MICAL3: variants seen among roughly 807,000 people sequenced by gnomAD.
MICAL3 encodes microtubule associated monooxygenase, calponin and LIM domain containing 3.
In MICAL3, 62 loss-of-function variants were observed where a neutral mutation model predicts 207.4. That is an observed-to-expected ratio of 0.30 (90% CI 0.24 to 0.37). The LOEUF is 0.37. Ranked by LOEUF, MICAL3 falls within the 10% of genes least tolerant of loss-of-function variation. The pLI, the probability that MICAL3 is intolerant of heterozygous loss-of-function variation, is 1.00. For synonymous variants in MICAL3, 1,077 were observed against 1,069.3 expected (o/e 1.01, Z -0.14); for missense variants, 2,368 against 2,635.6 (o/e 0.90, Z 2.22).
intron 29 of MICAL3, among the ~76,000 whole-genome samples, chr22:17,804,017 G>A (rs1030699719): frequency 5.3e-5 from 8 of 152,192 alleles, no homozygotes; most frequent in East Asian, 3.9e-4. Context: ...GAAGGCATGC[G>A]TGCCTAAGTG....
intron 1 of MICAL3, among the ~76,000 whole-genome samples, chr22:17,963,855 T>G (rs897811136): frequency 1.3e-5 from 2 of 152,122 alleles, no homozygotes; most frequent in African/African-American, 4.8e-5. Context: ...GCTTTACCCA[T>G]CAGGCTACCA....
intron 19 of MICAL3, among the ~76,000 whole-genome samples, chr22:17,858,732 G>A (rs1228348556): frequency 6.6e-6 from 1 of 152,244 alleles, no homozygotes; most frequent in Non-Finnish European, 1.5e-5. Context: ...GAAGGAAACT[G>A]AGATCCAAAA....
At chr22:17,843,083 T>G (rs1426647259) in intron 19 of MICAL3, among the ~76,000 whole-genome samples, 1 of 129,586 alleles carries the variant, frequency 7.7e-6, no homozygotes, top group Non-Finnish European at 1.5e-5. Context: ...ATTGCGCCAC[T>G]GCACTCCAGC....
At position 17,861,497 on chromosome 22, in the gene MICAL3, A is replaced by G. The variant is rs146414364; in HGVS notation, c.2605+3402T>C. 1,252 of 985,382 alleles carry G rather than the reference A, an allele frequency of 1.3e-3. 18 individuals carry two copies. In the African/African-American group the frequency reaches 0.021, roughly 16 times the overall value. The allele number at this position is 985,382 out of a possible 1,614,324, so 61.0% of individuals were successfully genotyped here. A position where few individuals can be genotyped will look rare whatever the true frequency, so the allele number is the denominator to read the frequency against. On this transcript the variant is annotated intron_variant, in intron 19 of 31. Transcript: ENST00000441493. ...GCTATGCCTTCGGCTTCCCTACTTC[A>G]TTTTTGGTCATCAACCGTATCAGAT... is the stretch of plus-strand genomic sequence containing the variant.
chr22:17,980,939 G>A, intron 1 of MICAL3: 1 of 531,926 alleles, frequency 1.9e-6, no homozygotes, highest in Non-Finnish European at 3.9e-6. Context: ...CCAGTGCCCT[G>A]CACACTTGGA....
At chr22:17,905,916 A>G in intron 2 of MICAL3, among the ~76,000 whole-genome samples, 1 of 152,230 alleles carries the variant, frequency 6.6e-6, no homozygotes, top group Non-Finnish European at 1.5e-5. Flanking sequence ...TTGCTTATGA[A>G]TCAAAACAGA....
At chr22:17,911,535 T>C (rs954785772) in intron 1 of MICAL3, among the ~76,000 whole-genome samples, 4 of 152,030 alleles carry the variant, frequency 2.6e-5, no homozygotes, top group African/African-American at 7.2e-5. Context: ...TAAACAGATC[T>C]TGAAAGCGGG....
chr22:17,931,360 T>A (rs1449118594), intron 1 of MICAL3, among the ~76,000 whole-genome samples: 1 of 152,218 alleles, frequency 6.6e-6, no homozygotes, highest in East Asian at 1.9e-4. Context: ...AACAGTGATC[T>A]GAGGGACCCA....
intron 1 of MICAL3, among the ~76,000 whole-genome samples, chr22:17,985,460 A>T (rs1920967475): frequency 6.6e-6 from 1 of 152,052 alleles, no homozygotes; most frequent in South Asian, 2.1e-4. Context: ...CAAAACTACA[A>T]GGTCCGGGAG....
chr22:17,878,357 T>C (rs1328978620), intron 16 of MICAL3, among the ~76,000 whole-genome samples: 1 of 152,038 alleles, frequency 6.6e-6, no homozygotes, highest in African/African-American at 2.4e-5. Context: ...GTGAGCACCG[T>C]GGGGCGAGGC....
intron 1 of MICAL3, among the ~76,000 whole-genome samples, chr22:17,952,389 G>T (rs1264865808): frequency 1.3e-5 from 2 of 152,170 alleles, no homozygotes; most frequent in African/African-American, 4.8e-5. Flanking sequence ...CCTGTGTGTG[G>T]CATCTCAGTA....
chr22:17,939,522 G>C (rs957337206), intron 1 of MICAL3, among the ~76,000 whole-genome samples: 8 of 152,236 alleles, frequency 5.3e-5, no homozygotes, highest in Non-Finnish European at 1.0e-4. Context: ...CAGAGGCAGG[G>C]CGGGAAGCCT....
intron 29 of MICAL3, among the ~76,000 whole-genome samples, chr22:17,791,943 G>A (rs2061828895): frequency 6.6e-6 from 1 of 152,248 alleles, no homozygotes; most frequent in Admixed American, 6.5e-5. Context: ...CTCACCAAGA[G>A]CAGAGAAACA....
chr22:17,936,608 A>G (rs946325895), intron 1 of MICAL3, among the ~76,000 whole-genome samples: 1 of 151,514 alleles, frequency 6.6e-6, no homozygotes, highest in African/African-American at 2.4e-5. Context: ...CTGAGATAAC[A>G]GAAAGAGTTT....
At chr22:17,896,166 A>C (rs1469078621) in intron 9 of MICAL3, 80 bp downstream of exon 9, 1 of 725,456 alleles carries the variant, frequency 1.4e-6, no homozygotes, top group African/African-American at 1.8e-5. Context: ...AGAAGGAAGA[A>C]CTTGCACTCT....
chr22:17,993,785 CAA>C (rs1921959359), intron 1 of MICAL3, among the ~76,000 whole-genome samples: 1 of 152,126 alleles, frequency 6.6e-6, no homozygotes, highest in Non-Finnish European at 1.5e-5. Context: ...AGAGAGAACT[CAA>C]GAGTGAAGAG....
In MICAL3 at chr22:17,884,720, C is replaced by T. The variant is rs559474731; in HGVS notation, c.2241+1158G>A. On this transcript the variant is annotated intron_variant, in intron 16 of 31. Coordinates refer to ENST00000441493, the MANE Select transcript of MICAL3 (RefSeq NM_015241.3). ...TCTCTTAGAGGCAACCTTCCTCTAA[C>T]GGACAGCATTCCAGCCTTCCCAAGG... Among the ~76,000 whole-genome samples the T allele has an allele frequency of 6.1e-4, 93 of 152,342 alleles. 1 individual carries two copies. Among genetic ancestry groups the T allele is most frequent in the African/African-American group, 2.1e-3 (87 of 41,584 alleles).
chr22:17,862,524 T>G (rs1406017257), intron 19 of MICAL3: 35 of 934,902 alleles, frequency 3.7e-5, no homozygotes, highest in African/African-American at 5.3e-5. Flanking sequence ...CCTCCCAAAG[T>G]GCTGGGATTA....
At chr22:18,010,437 T>C (rs963802268) in intron 1 of MICAL3, among the ~76,000 whole-genome samples, 3 of 152,086 alleles carry the variant, frequency 2.0e-5, no homozygotes, top group Non-Finnish European at 2.9e-5. Flanking sequence ...GAGCTAACAA[T>C]AGTGCAGGGA....
Sources: gnomAD v4.1 joint callset for allele counts (sites outside exome capture counted in the v4.1 genomes callset) on GRCh38, gnomAD v4.1.1 for gene constraint, MANE v1.5 for transcripts, NCBI Gene and HGNC (gene_info 2026-07-23, HGNC 2026-07-21) for gene names.